The following MAP7 variants were observed in gnomAD, a reference collection of about 807,000 sequenced individuals.
MAP7 encodes the protein microtubule associated protein 7, also known as ensconsin.
MAP7 carries 52 observed loss-of-function variants against 94.8 expected under a neutral mutation model. The observed-to-expected ratio is 0.55, with a 90% CI of 0.44 to 0.69. The LOEUF (loss-of-function observed/expected upper bound fraction) is 0.69. Ranked by LOEUF, MAP7 falls within the 30% of genes least tolerant of loss-of-function variation. The pLI, the probability that MAP7 is intolerant of heterozygous loss-of-function variation, is 0.00. For missense variants in MAP7, 940 were observed against 964.6 expected, an observed-to-expected ratio of 0.97 and a Z score of 0.34; for synonymous variants, 350 against 357.0, an observed-to-expected ratio of 0.98 and a Z score of 0.22.
At chr6:136,388,305 T>A in intron 5 of MAP7, 88 bp downstream of exon 5, 2 of 972,586 alleles carry the variant, frequency 2.1e-6, no homozygotes, top group South Asian at 3.2e-5. Flanking sequence ...GGATTTTTGT[T>A]TCGCAAACAT....
chr6:136,514,579 TCAAA>T (rs1391181089), intron 1 of MAP7, among the ~76,000 whole-genome samples: 1 of 44,354 alleles, frequency 2.3e-5, no homozygotes, highest in Admixed American at 3.8e-4. Flanking sequence ...AGACTCTGTC[TCAAA>T]AAAAAAAAAA....
intron 1 of MAP7, among the ~76,000 whole-genome samples, chr6:136,447,491 CT>C (rs3839512): frequency 0.74 from 113,124 of 152,062 alleles, 43,265 homozygotes; most frequent in Middle Eastern, 0.85. Context: ...CTGCATTATG[CT>C]TTAACTGTTC....
At chr6:136,452,423 C>T (rs1439799775) in intron 1 of MAP7, among the ~76,000 whole-genome samples, 1 of 152,218 alleles carries the variant, frequency 6.6e-6, no homozygotes, top group East Asian at 1.9e-4. Context: ...AAAAAGCTAT[C>T]AAACAGCATT....
At position 136,381,919 on chromosome 6, in the gene MAP7, CAG is replaced by C. The variant is rs1554237619; in HGVS notation, c.637+1750_637+1751del. ...ACACACACACACACACACACACACA[CAG>C]AGAGAGAGAGAGAGAATGCATGGAG... On this transcript the variant is annotated intron_variant, in intron 6 of 17. Transcript: ENST00000354570. Among the ~76,000 whole-genome samples, 122 of 103,028 alleles carry C rather than the reference CAG, an allele frequency of 1.2e-3. 1 individual carries two copies. Among genetic ancestry groups the C allele is most frequent in the Middle Eastern group, 0.011 (2 of 174 alleles). The allele number at this position is 103,028 out of a possible 152,430, so 67.6% of individuals were successfully genotyped here. A position where few individuals can be genotyped will look rare whatever the true frequency, so the allele number is the denominator to read the frequency against.
intron 8 of MAP7, among the ~76,000 whole-genome samples, chr6:136,366,656 G>A (rs556855732): frequency 1.3e-5 from 2 of 152,198 alleles, no homozygotes; most frequent in Non-Finnish European, 2.9e-5. Flanking sequence ...AGGTGATTCC[G>A]GATGTGTTGG....
chr6:136,470,431 A>G (rs1309042018), intron 1 of MAP7, among the ~76,000 whole-genome samples: 8 of 152,104 alleles, frequency 5.3e-5, no homozygotes, highest in Non-Finnish European at 1.2e-4. Flanking sequence ...CAATCGAGTT[A>G]ATTAACACTT....
intron 8 of MAP7, among the ~76,000 whole-genome samples, chr6:136,369,309 C>T (rs758293197): frequency 6.6e-6 from 1 of 152,196 alleles, no homozygotes; most frequent in Non-Finnish European, 1.5e-5. Flanking sequence ...CACTACGACT[C>T]ATGTCTGCAA....
intron 3 of MAP7, among the ~76,000 whole-genome samples, chr6:136,404,470 T>C (rs1163025142): frequency 6.6e-6 from 1 of 152,168 alleles, no homozygotes; most frequent in African/African-American, 2.4e-5. Context: ...TATATTGTCT[T>C]ATTCTTTCTA....
At chr6:136,467,743 C>A (rs1018089060) in intron 1 of MAP7, among the ~76,000 whole-genome samples, 2 of 152,112 alleles carry the variant, frequency 1.3e-5, no homozygotes, top group Non-Finnish European at 2.9e-5. Context: ...CTTGCCCTCA[C>A]AGCATTTAAA....
chr6:136,408,939 TTTACAACTGTATATAATATA>T (rs552585820), intron 3 of MAP7, among the ~76,000 whole-genome samples: 1 of 152,224 alleles, frequency 6.6e-6, no homozygotes, highest in East Asian at 1.9e-4. Context: ...AAACGGCTCT[TTTACAACTGTATATAATATA>T]TGCATGTATA....
chr6:136,481,968 G>A (rs1360861767), intron 1 of MAP7, among the ~76,000 whole-genome samples: 1 of 152,068 alleles, frequency 6.6e-6, no homozygotes, highest in Admixed American at 6.5e-5. Flanking sequence ...GGAATTCTTT[G>A]TCCTATTCTT....
intron 1 of MAP7, among the ~76,000 whole-genome samples, chr6:136,546,738 C>T (rs1478759586): frequency 7.2e-5 from 11 of 152,186 alleles, no homozygotes; most frequent in Non-Finnish European, 5.9e-5. Flanking sequence ...ATTTCTTATT[C>T]TAAGCCTCAA....
chr6:136,355,388 A>T (rs142274223), intron 16 of MAP7, among the ~76,000 whole-genome samples: 71 of 152,216 alleles, frequency 4.7e-4, no homozygotes, highest in African/African-American at 1.6e-3. Context: ...TAATTACAAC[A>T]ATAAAGTTAT....
At chr6:136,493,774 A>G (rs1185846831) in intron 1 of MAP7, among the ~76,000 whole-genome samples, 1 of 152,192 alleles carries the variant, frequency 6.6e-6, no homozygotes, top group Non-Finnish European at 1.5e-5. Context: ...ACTCTCAGAC[A>G]TATGTGATAA....
At chr6:136,459,379 C>T (rs1804431560) in intron 1 of MAP7, among the ~76,000 whole-genome samples, 1 of 151,990 alleles carries the variant, frequency 6.6e-6, no homozygotes, top group Admixed American at 6.6e-5. Flanking sequence ...CACAGAAATA[C>T]CATATGATTC....
chr6:136,462,087 T>A (rs1805415132), intron 1 of MAP7, among the ~76,000 whole-genome samples: 1 of 151,370 alleles, frequency 6.6e-6, no homozygotes, highest in African/African-American at 2.4e-5. Flanking sequence ...TCCCAGCTGC[T>A]CAGGAGGCTG....
At chr6:136,359,323 T>A (rs78050221) in intron 15 of MAP7, among the ~76,000 whole-genome samples, 2,562 of 152,336 alleles carry the variant, frequency 0.017, 30 homozygotes, top group Non-Finnish European at 0.023. Context: ...AACAAATTTT[T>A]AACTTTATTT....
chr6:136,366,004 G>A lies in MAP7; in HGVS notation c.1004C>T (p.Ser335Phe). 6.2e-7 allele frequency: 1 copy of A among 1,609,250 alleles called. No individual in the cohort carries two copies. Among genetic ancestry groups the A allele is most frequent in the Non-Finnish European group, 8.5e-7 (1 of 1,178,960 alleles). The stretch of plus-strand genomic sequence containing the variant: ...GGGTGTGCCAGGCAAATGAGGAAGA[G>A]ACTTGGACGGAAGCCTGGGCCACAA... ...ARSRLWLPSK[S>F]LPHLPGTPRP... The change falls in exon 10 of 18, where the codon TCT (serine) becomes TTT (phenylalanine). Residue 335 changes from serine to phenylalanine, a missense_variant. Ser to Phe is a radical substitution (Grantham distance 155). Coordinates refer to ENST00000354570, the MANE Select transcript of MAP7 (RefSeq NM_003980.6).
At chr6:136,423,788 TTTTTTTG>T (rs1409556444) in intron 1 of MAP7, among the ~76,000 whole-genome samples, 22 of 136,748 alleles carry the variant, frequency 1.6e-4, no homozygotes, top group African/African-American at 7.4e-4. Flanking sequence ...TTGTGTTTTT[TTTTTTTG>T]TTTTTTTGTT....
Sources: allele counts gnomAD v4.1 joint callset (sites outside exome capture counted in the v4.1 genomes callset), GRCh38; gene constraint gnomAD v4.1.1; transcripts MANE v1.5; gene names NCBI Gene and HGNC (gene_info 2026-07-23, HGNC 2026-07-21).